GRID2: variants seen among roughly 807,000 people sequenced by gnomAD.
GRID2 encodes glutamate receptor ionotropic, delta-2.
Under a neutral mutation model 114.8 loss-of-function variants are expected in GRID2, and 33 were observed. The ratio of observed to expected loss-of-function variants is 0.29; its 90% CI spans 0.22 to 0.38. The LOEUF (loss-of-function observed/expected upper bound fraction) is 0.38, where lower values mean the gene tolerates loss of function less well. GRID2 is among the 10% of genes least tolerant of loss of function. The probability of loss-of-function intolerance (pLI) is 1.00; values close to 1 mark genes in which losing one functional copy is unlikely to be tolerated. For missense variants in GRID2, 1,184 were observed against 1,257.7 expected (o/e 0.94, Z 0.89); for synonymous variants, 505 against 449.9 (o/e 1.12, Z -1.55).
intron 11 of GRID2, among the ~76,000 whole-genome samples, chr4:93,478,710 A>G (rs1437265383): frequency 6.6e-6 from 1 of 152,038 alleles, no homozygotes; most frequent in East Asian, 1.9e-4. Flanking sequence ...GAAACGCATT[A>G]TTCAACCAAC....
chr4:93,238,618 G>A (rs1379609671), intron 8 of GRID2, 128 bp downstream of exon 8: 13 of 604,290 alleles, frequency 2.2e-5, no homozygotes, highest in Admixed American at 9.4e-5. Flanking sequence ...AGCAGGGGGT[G>A]AGGGGAAATT....
intron 2 of GRID2, among the ~76,000 whole-genome samples, chr4:92,704,736 TCTCTCTCTCCCTCCCTCTCTCC>T (rs1453224077): frequency 1.3e-5 from 2 of 150,576 alleles, no homozygotes; most frequent in African/African-American, 4.9e-5. Flanking sequence ...TCTCTCTCTC[TCTCTCTCTCCCTCCCTCTCTCC>T]CTCTCTGCCC....
At chr4:92,844,097 T>G (rs1743115249) in intron 2 of GRID2, among the ~76,000 whole-genome samples, 1 of 152,154 alleles carries the variant, frequency 6.6e-6, no homozygotes, top group Non-Finnish European at 1.5e-5. Flanking sequence ...TTTTTCAAAT[T>G]CTATTTTTGC....
chr4:93,635,345 G>GA (rs1340461728), intron 14 of GRID2, among the ~76,000 whole-genome samples: 1 of 150,094 alleles, frequency 6.7e-6, no homozygotes, highest in Non-Finnish European at 1.5e-5. Flanking sequence ...CAAGAAAGAG[G>GA]ACACTGAAGG....
intron 12 of GRID2, among the ~76,000 whole-genome samples, chr4:93,493,239 TTAAA>T (rs1485011620): frequency 1.3e-5 from 2 of 151,980 alleles, no homozygotes; most frequent in East Asian, 3.9e-4. Context: ...CGTAAAAAGT[TTAAA>T]TAAAATAACT....
chr4:93,501,860 T>C (rs1728146105), intron 12 of GRID2, among the ~76,000 whole-genome samples: 1 of 152,102 alleles, frequency 6.6e-6, no homozygotes. Context: ...TCTCTTTTTC[T>C]CTTTCTTCCC....
At chr4:93,099,097 A>C (rs2149338077) in intron 3 of GRID2, among the ~76,000 whole-genome samples, 1 of 151,162 alleles carries the variant, frequency 6.6e-6, no homozygotes, top group African/African-American at 2.4e-5. Context: ...TTCCATTCTT[A>C]AACCAAATAA....
At chr4:93,095,301 GTTTATGATGTTCC>G (rs1330729860) in intron 3 of GRID2, among the ~76,000 whole-genome samples, 2 of 151,698 alleles carry the variant, frequency 1.3e-5, no homozygotes, top group Non-Finnish European at 2.9e-5. Context: ...ACAGGCCCCG[GTTTATGATGTTCC>G]CCTCCTTGTG....
chr4:93,722,440 A>G (rs1578658898), intron 14 of GRID2, among the ~76,000 whole-genome samples: 1 of 152,176 alleles, frequency 6.6e-6, no homozygotes, highest in Non-Finnish European at 1.5e-5. Context: ...ATTTCTAATA[A>G]ATATGGCCTT....
At chr4:92,759,450 T>C (rs1737881493) in intron 2 of GRID2, among the ~76,000 whole-genome samples, 2 of 152,134 alleles carry the variant, frequency 1.3e-5, no homozygotes, top group Admixed American at 6.6e-5. Context: ...AAAAGGAACT[T>C]CCCCCCAATA....
At chr4:92,515,708 T>C (rs950713151) in intron 1 of GRID2, among the ~76,000 whole-genome samples, 2 of 151,970 alleles carry the variant, frequency 1.3e-5, no homozygotes, top group Admixed American at 1.3e-4. Context: ...ACAATCTTGT[T>C]ATTTATGTGA....
At chr4:93,153,454 G>T (rs751321530) in intron 4 of GRID2, among the ~76,000 whole-genome samples, 2 of 152,086 alleles carry the variant, frequency 1.3e-5, no homozygotes, top group Non-Finnish European at 2.9e-5. Flanking sequence ...AGAAGTGGCA[G>T]AGACTAGCTA....
At chr4:93,363,944 T>C (rs937114524) in intron 8 of GRID2, among the ~76,000 whole-genome samples, 9 of 152,172 alleles carry the variant, frequency 5.9e-5, no homozygotes, top group African/African-American at 2.2e-4. Flanking sequence ...TTATATTCTC[T>C]ATTCTTCAGT....
intron 2 of GRID2, among the ~76,000 whole-genome samples, chr4:92,608,881 C>G (rs1015887233): frequency 4.0e-5 from 6 of 151,678 alleles, no homozygotes; most frequent in African/African-American, 1.5e-4. Flanking sequence ...TTCATTTATT[C>G]TTTCACCCAA....
chr4:93,507,064 A>C (rs1728705106), intron 12 of GRID2, among the ~76,000 whole-genome samples: 1 of 152,190 alleles, frequency 6.6e-6, no homozygotes, highest in Non-Finnish European at 1.5e-5. Flanking sequence ...CTTTTTTAAA[A>C]TAGGAAACTT....
chr4:93,663,090 G>A lies in GRID2; in HGVS notation c.2360+36655G>A, dbSNP rs115189213. Among the ~76,000 whole-genome samples the A allele has an allele frequency of 4.9e-3, 749 of 152,142 alleles. 7 individuals carry two copies. Among genetic ancestry groups the A allele is most frequent in the African/African-American group, 0.017 (717 of 41,506 alleles). ...ACAAATGCCAGGCAAACTTTGAAACGGTTTGATTTGATGTTAACTCTAATT... is the reference window on the plus strand; with the variant it reads ...ACAAATGCCAGGCAAACTTTGAAACAGTTTGATTTGATGTTAACTCTAATT... On this transcript the variant is annotated intron_variant, in intron 14 of 15. Transcript: ENST00000282020.
intron 2 of GRID2, among the ~76,000 whole-genome samples, chr4:92,759,518 T>A (rs1291550833): frequency 1.3e-5 from 2 of 152,152 alleles, no homozygotes; most frequent in Non-Finnish European, 2.9e-5. Flanking sequence ...GACTTTTACC[T>A]CTTACATGTC....
chr4:92,564,168 C>T (rs755861809), intron 1 of GRID2, among the ~76,000 whole-genome samples: 7 of 151,910 alleles, frequency 4.6e-5, no homozygotes, highest in Non-Finnish European at 7.4e-5. Context: ...GAAATTATGT[C>T]TGTGGTATTT....
At chr4:92,858,135 G>A (rs1744297080) in intron 2 of GRID2, among the ~76,000 whole-genome samples, 1 of 152,144 alleles carries the variant, frequency 6.6e-6, no homozygotes, top group African/African-American at 2.4e-5. Context: ...GACCTCTGAT[G>A]GAGTTGTATG....
Sources: gnomAD v4.1 joint callset for allele counts (sites outside exome capture counted in the v4.1 genomes callset) on GRCh38, gnomAD v4.1.1 for gene constraint, MANE v1.5 for transcripts, NCBI Gene and HGNC (gene_info 2026-07-23, HGNC 2026-07-21) for gene names.